The following PCDH15 variants were observed in gnomAD, a reference collection of about 807,000 sequenced individuals.
PCDH15 encodes the protein protocadherin-15.
Under a neutral mutation model 178.5 loss-of-function variants are expected in PCDH15, and 129 were observed. That is an observed-to-expected ratio of 0.72 (90% CI 0.63 to 0.84). The LOEUF is 0.84. PCDH15 is among the 40% of genes least tolerant of loss of function. The pLI, the probability that PCDH15 is intolerant of heterozygous loss-of-function variation, is 0.00. For missense variants in PCDH15, 2,230 were observed against 2,099.9 expected, an observed-to-expected ratio of 1.06 and a Z score of -1.21; for synonymous variants, 800 against 732.0, an observed-to-expected ratio of 1.09 and a Z score of -1.50.
intron 3 of PCDH15, among the ~76,000 whole-genome samples, chr10:54,380,249 T>G (rs1231077772): frequency 6.6e-6 from 1 of 152,144 alleles, no homozygotes; most frequent in Non-Finnish European, 1.5e-5. Context: ...GCACATTTTT[T>G]GCACTTTTTC....
At chr10:55,049,322 A>C (rs1035095632) in intron 2 of PCDH15, among the ~76,000 whole-genome samples, 1 of 151,896 alleles carries the variant, frequency 6.6e-6, no homozygotes, top group African/African-American at 2.4e-5. Context: ...TGCAACGAAC[A>C]CTTCAGTCAT....
At chr10:54,850,755 C>G (rs1182537880) in intron 3 of PCDH15, among the ~76,000 whole-genome samples, 1 of 152,130 alleles carries the variant, frequency 6.6e-6, no homozygotes, top group African/African-American at 2.4e-5. Flanking sequence ...AATTAAATCA[C>G]ATATGCTACT....
intron 1 of PCDH15, among the ~76,000 whole-genome samples, chr10:54,795,479 C>T (rs1591670661): frequency 2.6e-5 from 4 of 151,868 alleles, no homozygotes. Context: ...TGTTTCATTG[C>T]AATGTTTCAT....
In PCDH15 at chr10:54,298,971, C is replaced by T. The variant is rs184157832; in HGVS notation, c.876+18300G>A. ...ATATGGAAAGAAAGGGAGTTCCTAA[C>T]CTCTGGGGGAACCCCCATTAAATAC... On this transcript the variant is annotated intron_variant, in intron 8 of 37. Transcript: ENST00000644397. 1.6e-3 allele frequency among the ~76,000 whole-genome samples: 249 copies of T among 152,364 alleles called. 2 individuals are homozygous for T. The highest frequency in any genetic ancestry group is 6.8e-3 in the Middle Eastern group (2 of 294).
intron 8 of PCDH15, among the ~76,000 whole-genome samples, chr10:54,284,363 CA>C (rs534226709): frequency 6.6e-6 from 1 of 151,806 alleles, no homozygotes; most frequent in African/African-American, 2.4e-5. Flanking sequence ...TCTAGTTCTT[CA>C]AAATTGTCAG....
intron 28 of PCDH15, among the ~76,000 whole-genome samples, chr10:53,855,500 T>C (rs1435678532): frequency 6.6e-6 from 1 of 152,068 alleles, no homozygotes; most frequent in Non-Finnish European, 1.5e-5. Flanking sequence ...ACAATTTACA[T>C]GACACCAAAA....
chr10:55,479,472 A>G (rs1273621588), intron 2 of PCDH15, among the ~76,000 whole-genome samples: 1 of 151,418 alleles, frequency 6.6e-6, no homozygotes, highest in Non-Finnish European at 1.5e-5. Context: ...ACATCCCTTT[A>G]TAATAAATAT....
At chr10:54,737,758 G>C (rs1371931746) in intron 1 of PCDH15, among the ~76,000 whole-genome samples, 2 of 151,992 alleles carry the variant, frequency 1.3e-5, no homozygotes, top group Non-Finnish European at 2.9e-5. Flanking sequence ...TAATTTATTA[G>C]GTATGATTGA....
intron 18 of PCDH15, among the ~76,000 whole-genome samples, chr10:54,043,706 A>T (rs1475211349): frequency 6.6e-6 from 1 of 152,028 alleles, no homozygotes; most frequent in Non-Finnish European, 1.5e-5. Context: ...AATTACAAGG[A>T]AAGATGCAAT....
chr10:54,192,773 C>T (rs1351771825), intron 11 of PCDH15, among the ~76,000 whole-genome samples: 3 of 152,094 alleles, frequency 2.0e-5, no homozygotes, highest in Non-Finnish European at 2.9e-5. Context: ...AAGTAATAAA[C>T]AAATGATCAG....
intron 13 of PCDH15, among the ~76,000 whole-genome samples, chr10:54,183,145 C>G (rs1372690332): frequency 3.3e-5 from 5 of 152,080 alleles, no homozygotes; most frequent in Non-Finnish European, 5.9e-5. Context: ...CCATACCCGG[C>G]TAATTTTGTA....
chr10:54,408,052 C>CAAAAAG (rs1554956635), intron 3 of PCDH15, among the ~76,000 whole-genome samples: 2 of 83,728 alleles, frequency 2.4e-5, no homozygotes, highest in Non-Finnish European at 4.5e-5. Flanking sequence ...GAGACTCTGT[C>CAAAAAG]AAAAAAAAAA....
intron 2 of PCDH15, among the ~76,000 whole-genome samples, chr10:55,616,067 G>C (rs531286570): frequency 6.6e-6 from 1 of 152,228 alleles, no homozygotes; most frequent in African/African-American, 2.4e-5. Context: ...ATCTAAGTGG[G>C]ACAACAGTTT....
chr10:53,963,378 T>A (rs2088578410), intron 21 of PCDH15, among the ~76,000 whole-genome samples: 1 of 152,126 alleles, frequency 6.6e-6, no homozygotes, highest in Non-Finnish European at 1.5e-5. Flanking sequence ...CATCTGGTGC[T>A]CTGTCTCAGA....
chr10:55,473,048 C>T (rs182027386), intron 2 of PCDH15, among the ~76,000 whole-genome samples: 274 of 152,202 alleles, frequency 1.8e-3, no homozygotes, highest in Non-Finnish European at 3.4e-3. Context: ...TGTCCTAATT[C>T]AGATGAATAG....
intron 14 of PCDH15, among the ~76,000 whole-genome samples, chr10:54,135,529 G>C (rs1182481573): frequency 6.6e-6 from 1 of 152,186 alleles, no homozygotes. Flanking sequence ...TTCTGAGGTA[G>C]ACCTAACATC....
chr10:54,181,595 G>A (rs917087783), intron 13 of PCDH15, among the ~76,000 whole-genome samples: 1 of 152,120 alleles, frequency 6.6e-6, no homozygotes, highest in South Asian at 2.1e-4. Flanking sequence ...AGCAGCTACC[G>A]TATTAAACAT....
At chr10:55,014,718 A>C (rs1370193268) in intron 2 of PCDH15, among the ~76,000 whole-genome samples, 1 of 152,212 alleles carries the variant, frequency 6.6e-6, no homozygotes, top group East Asian at 1.9e-4. Context: ...ATGTTTCTTT[A>C]GACTACTCTG....
intron 2 of PCDH15, among the ~76,000 whole-genome samples, chr10:55,555,010 A>G (rs1206202378): frequency 6.6e-6 from 1 of 152,072 alleles, no homozygotes; most frequent in East Asian, 1.9e-4. Flanking sequence ...TAATTAGAAG[A>G]TATCAATTAC....
Sources: allele counts gnomAD v4.1 joint callset (sites outside exome capture counted in the v4.1 genomes callset), GRCh38; gene constraint gnomAD v4.1.1; transcripts MANE v1.5; gene names NCBI Gene and HGNC (gene_info 2026-07-23, HGNC 2026-07-21).